Variants in SPMIP2 observed in about 807,000 individuals in gnomAD.
SPMIP2 encodes protein SPMIP2.
the SPMIP2 span, among the ~76,000 whole-genome samples, chr4:159,023,803 C>G: frequency 1.3e-5 from 2 of 152,184 alleles, no homozygotes; most frequent in African/African-American, 2.4e-5. Context: ...TGTACTTGTT[C>G]TAGCCACCTC....
At chr4:158,919,075 AG>A in the SPMIP2 span, among the ~76,000 whole-genome samples, 1 of 152,224 alleles carries the variant, frequency 6.6e-6, no homozygotes, top group Non-Finnish European at 1.5e-5. Flanking sequence ...ACCAGTTAAA[AG>A]TACTGGTTGT....
At chr4:159,061,524 T>C in the SPMIP2 span, among the ~76,000 whole-genome samples, 1 of 152,022 alleles carries the variant, frequency 6.6e-6, no homozygotes, top group South Asian at 2.1e-4. Flanking sequence ...AAGATAGAGA[T>C]GGGCTGGGCA....
chr4:158,903,736 C>T, the SPMIP2 span, among the ~76,000 whole-genome samples: 3 of 152,152 alleles, frequency 2.0e-5, no homozygotes, highest in South Asian at 2.1e-4. Context: ...ATGCCAGATA[C>T]TGTTTTATTT....
chr4:158,989,500 C>A, the SPMIP2 span, among the ~76,000 whole-genome samples: 1 of 152,120 alleles, frequency 6.6e-6, no homozygotes, highest in African/African-American at 2.4e-5. Context: ...GCTACAGTAA[C>A]CAAAACAGCA....
chr4:158,949,556 T>C, the SPMIP2 span, among the ~76,000 whole-genome samples: 1 of 112,060 alleles, frequency 8.9e-6, no homozygotes, highest in Non-Finnish European at 1.8e-5. Flanking sequence ...AAAGCCATTG[T>C]ACTTCATGTG....
the SPMIP2 span, among the ~76,000 whole-genome samples, chr4:159,037,155 T>C: frequency 2.6e-5 from 4 of 152,188 alleles, no homozygotes; most frequent in African/African-American, 9.7e-5. Flanking sequence ...TGCTTTGCCT[T>C]TGAGACTGTT....
At chr4:158,999,657 T>A in the SPMIP2 span, among the ~76,000 whole-genome samples, 1 of 152,232 alleles carries the variant, frequency 6.6e-6, no homozygotes, top group Admixed American at 6.5e-5. Context: ...GGGAACTGGC[T>A]GTGCTTCCTG....
chr4:158,907,383 C>T, the SPMIP2 span: 1 of 152,164 alleles, frequency 6.6e-6, no homozygotes, highest in South Asian at 2.1e-4. Flanking sequence ...GCCGTTTACA[C>T]ATTGCAACTT....
chr4:158,956,610 T>C, the SPMIP2 span, among the ~76,000 whole-genome samples: 1 of 152,168 alleles, frequency 6.6e-6, no homozygotes, highest in Non-Finnish European at 1.5e-5. Flanking sequence ...CAAACCCCGA[T>C]CAATAGGATG....
At chr4:159,039,926 A>T in the SPMIP2 span, among the ~76,000 whole-genome samples, 177 of 152,364 alleles carry the variant, frequency 1.2e-3, 1 homozygote, top group Admixed American at 1.8e-3. Context: ...TATCTTAATG[A>T]TATAAAAGTG....
chr4:158,998,945 AG>A, the SPMIP2 span, among the ~76,000 whole-genome samples: 853 of 152,254 alleles, frequency 5.6e-3, 7 homozygotes, highest in African/African-American at 0.02. Flanking sequence ...GGATCACTTG[AG>A]TCCAGGAGTT....
chr4:159,006,676 A>C, the SPMIP2 span, among the ~76,000 whole-genome samples: 1 of 152,232 alleles, frequency 6.6e-6, no homozygotes, highest in Non-Finnish European at 1.5e-5. Context: ...AATCCCCAGG[A>C]TGCATCTTGG....
At chr4:159,037,781 T>TACAC in the SPMIP2 span, among the ~76,000 whole-genome samples, 10 of 118,006 alleles carry the variant, frequency 8.5e-5, no homozygotes, top group African/African-American at 3.2e-4. Flanking sequence ...TCAAAAACAA[T>TACAC]ATATACACAC....
the SPMIP2 span, among the ~76,000 whole-genome samples, chr4:158,991,416 C>T: frequency 6.6e-6 from 1 of 152,154 alleles, no homozygotes; most frequent in Admixed American, 6.5e-5. Flanking sequence ...GGCTTTGATC[C>T]ACTGCCCCTG....
the SPMIP2 span, among the ~76,000 whole-genome samples, chr4:158,944,648 A>G: frequency 6.6e-6 from 1 of 152,124 alleles, no homozygotes; most frequent in East Asian, 1.9e-4. Flanking sequence ...TGAACTCATC[A>G]TCTTCCCCAT....
the SPMIP2 span, among the ~76,000 whole-genome samples, chr4:158,935,268 C>G: frequency 6.6e-6 from 1 of 152,208 alleles, no homozygotes; most frequent in African/African-American, 2.4e-5. Context: ...CCTCCACACT[C>G]TTCTTTTAAT....
chr4:159,081,357 C>A, the SPMIP2 span, among the ~76,000 whole-genome samples: 10 of 151,960 alleles, frequency 6.6e-5, no homozygotes, highest in Middle Eastern at 3.4e-3. Context: ...TCTTACTAAG[C>A]ATATTGTGAG....
chr4:159,068,896 T>C, the SPMIP2 span, among the ~76,000 whole-genome samples: 3 of 152,178 alleles, frequency 2.0e-5, no homozygotes, highest in African/African-American at 7.2e-5. Flanking sequence ...TGAAGTAAAG[T>C]AGATCCTTTT....
the SPMIP2 span, among the ~76,000 whole-genome samples, chr4:158,977,938 T>A: frequency 6.6e-6 from 1 of 152,140 alleles, no homozygotes; most frequent in African/African-American, 2.4e-5. Context: ...ACTCTGATCT[T>A]AGTTATTTCT....
Sources: allele counts gnomAD v4.1 joint callset (sites outside exome capture counted in the v4.1 genomes callset), GRCh38; gene constraint gnomAD v4.1.1; transcripts MANE v1.5; gene names NCBI Gene and HGNC (gene_info 2026-07-23, HGNC 2026-07-21).